Variants in INSYN1 observed in about 807,000 individuals in gnomAD.
INSYN1 encodes the protein UPF0583 protein C15orf59.
In INSYN1, 7 loss-of-function variants were observed where a neutral mutation model predicts 17.1. The observed-to-expected ratio is 0.41, with a 90% CI of 0.23 to 0.77. The LOEUF is 0.77. INSYN1 is among the 30% of genes least tolerant of loss of function. The probability of loss-of-function intolerance (pLI) is 0.32; values close to 1 mark genes in which losing one functional copy is unlikely to be tolerated. For missense variants in INSYN1, 339 were observed against 400.6 expected (o/e 0.85, Z 1.31); for synonymous variants, 174 against 166.3 (o/e 1.05, Z -0.36).
Position 73,751,200 on chromosome 15 carries a change from G to A in INSYN1, c.-70C>T. ...GGCACACACTGCGTCTGCCTCCACG[G>A]AGCCCCCCTCGGCTGGGCAGAGCTC... On this transcript the variant is annotated 5_prime_UTR_variant, in exon 2 of 3. Coordinates refer to ENST00000569673, the MANE Select transcript of INSYN1 (RefSeq NM_001039614.3). 1 of 1,569,118 alleles carries A rather than the reference G, an allele frequency of 6.4e-7. No individual in the cohort carries two copies. Among genetic ancestry groups the A allele is most frequent in the East Asian group, 2.3e-5 (1 of 43,660 alleles).
intron 2 of INSYN1, among the ~76,000 whole-genome samples, chr15:73,742,121 T>C (rs1901707160): frequency 1.3e-5 from 2 of 152,204 alleles, no homozygotes; most frequent in African/African-American, 4.8e-5. Context: ...TAGGAATGAC[T>C]CTGAGAGGCT....
chr15:73,748,681 G>A (rs187223484), intron 2 of INSYN1, among the ~76,000 whole-genome samples: 6 of 152,282 alleles, frequency 3.9e-5, no homozygotes, highest in East Asian at 3.9e-4. Context: ...TCTCCAAACC[G>A]GGGTCTGGCA....
intron 2 of INSYN1, among the ~76,000 whole-genome samples, chr15:73,747,992 G>A (rs1462581102): frequency 6.6e-6 from 1 of 152,202 alleles, no homozygotes; most frequent in African/African-American, 2.4e-5. Flanking sequence ...CAGAGCTATA[G>A]TAGGGGTTTG....
At chr15:73,750,180 G>A (rs1864680834) in intron 2 of INSYN1, among the ~76,000 whole-genome samples, 1 of 152,338 alleles carries the variant, frequency 6.6e-6, no homozygotes, top group Middle Eastern at 3.4e-3. Context: ...GGACTCGAAC[G>A]CAGCACAGGG....
intron 2 of INSYN1, among the ~76,000 whole-genome samples, chr15:73,740,854 C>T (rs1000334936): frequency 3.3e-5 from 5 of 152,182 alleles, no homozygotes; most frequent in African/African-American, 7.2e-5. Context: ...GAGCTTGTTC[C>T]GGCCCTTCCC....
Position 73,739,984 on chromosome 15 carries a change from G to A in INSYN1, c.815C>T (p.Ser272Leu). Residue 272 changes from serine to leucine, a missense_variant, in exon 3 of 3, where the codon TCA (serine) becomes TTA (leucine). Transcript: ENST00000569673. Reference protein sequence around the residue: ...VTRNSSTQTVSDKSTQTVLPY... With the variant: ...VTRNSSTQTVLDKSTQTVLPY... ...CAGAACCGTCTGCGTGCTCTTGTCT[G>A]ACACTGTCTGGGTGCTGCTGTTCCT... 3.1e-6 allele frequency: 5 copies of A among 1,608,992 alleles called. No homozygotes were observed. Among genetic ancestry groups the A allele is most frequent in the Non-Finnish European group, 4.2e-6 (5 of 1,177,962 alleles).
intron 2 of INSYN1, among the ~76,000 whole-genome samples, chr15:73,743,699 G>A (rs1901744724): frequency 6.6e-6 from 1 of 151,190 alleles, no homozygotes; most frequent in African/African-American, 2.4e-5. Context: ...GCGTGGTGGT[G>A]CGTGCATAGA....
intron 2 of INSYN1, among the ~76,000 whole-genome samples, chr15:73,743,537 G>A (rs1303641021): frequency 6.6e-6 from 1 of 152,030 alleles, no homozygotes; most frequent in African/African-American, 2.4e-5. Context: ...TAACAGATAT[G>A]GGCCGGGTGT....
intron 2 of INSYN1, among the ~76,000 whole-genome samples, chr15:73,749,802 G>A (rs568874573): frequency 2.6e-5 from 4 of 152,262 alleles, no homozygotes; most frequent in African/African-American, 7.2e-5. Context: ...TAGGCTCCAC[G>A]AGGCTGACCC....
Position 73,751,094 on chromosome 15 carries a change from T to C in INSYN1, c.37A>G (p.Ser13Gly), listed in dbSNP as rs777036976. 57 of 1,613,870 alleles carry C rather than the reference T, an allele frequency of 3.5e-5. No homozygotes were observed. The highest frequency in any genetic ancestry group is 4.5e-5 in the Non-Finnish European group (53 of 1,180,014). The change falls in exon 2 of 3, where the codon AGT becomes GGT. Residue 13 changes from serine to glycine, a missense_variant. Ser to Gly is a moderately conservative substitution (Grantham distance 56). Coordinates refer to ENST00000569673, the MANE Select transcript of INSYN1 (RefSeq NM_001039614.3). ...TCACCACCACTGCTGGGGTCGTCAC[T>C]GGGCTGCCCGAGGTCCGGGGCGCCC... ...IRGAPDLGQP[S>G]DDPSSGGERE...
chr15:73,748,798 C>T (rs1257588103), intron 2 of INSYN1, among the ~76,000 whole-genome samples: 1 of 152,224 alleles, frequency 6.6e-6, no homozygotes, highest in East Asian at 1.9e-4. Flanking sequence ...CCTTCCTCCA[C>T]ACTCCCCTCT....
intron 2 of INSYN1, 152 bp downstream of exon 2, chr15:73,750,823 G>A (rs772025537): frequency 2.1e-4 from 187 of 873,550 alleles, no homozygotes; most frequent in Non-Finnish European, 3.0e-4. Context: ...GCAGATTTGC[G>A]GAAAGGAGAG....
chr15:73,745,839 A>AC (rs61669847), intron 2 of INSYN1, among the ~76,000 whole-genome samples: 9 of 150,306 alleles, frequency 6.0e-5, no homozygotes, highest in Non-Finnish European at 7.4e-5. Flanking sequence ...ACAAAACAAA[A>AC]AAACTGCTGG....
rs957236378 is a variant in INSYN1 at position 73,752,922 on chromosome 15, G to C, written c.-1380C>G. ...GAGCAGCGCCGGGCGGAGGAGAGGA[G>C]AGGAGGCGAGAAGAGGCGAGGGGAG... On this transcript the variant is annotated 5_prime_UTR_variant, in exon 1 of 3. Transcript: ENST00000569673. This position sits in a 1 kb window ranked among gnomAD's most constrained non-coding sequence, Gnocchi z 5.2. Among the ~76,000 whole-genome samples, 2 of 149,796 alleles carry C rather than the reference G, an allele frequency of 1.3e-5. No individual in the cohort carries two copies. Among genetic ancestry groups the C allele is most frequent in the African/African-American group, 4.9e-5 (2 of 41,014 alleles).
intron 2 of INSYN1, 28 bp downstream of exon 2, chr15:73,750,947 G>C (rs374999652): frequency 5.0e-6 from 8 of 1,613,414 alleles, no homozygotes; most frequent in Non-Finnish European, 4.2e-6. Flanking sequence ...CTTAGGGTCT[G>C]TCTGGTCCCT....
At chr15:73,748,594 A>G (rs1341706686) in intron 2 of INSYN1, among the ~76,000 whole-genome samples, 3 of 152,216 alleles carry the variant, frequency 2.0e-5, no homozygotes, top group Non-Finnish European at 2.9e-5. Context: ...AGCCAGGCAG[A>G]TTCAGCTTTA....
At chr15:73,746,461 GC>G (rs376079692) in intron 2 of INSYN1, among the ~76,000 whole-genome samples, 1 of 152,294 alleles carries the variant, frequency 6.6e-6, no homozygotes, top group East Asian at 1.9e-4. Context: ...TCCTGGCTGG[GC>G]CCCATTTATC....
chr15:73,749,354 A>AT (rs1401036043), intron 2 of INSYN1, among the ~76,000 whole-genome samples: 6 of 152,092 alleles, frequency 3.9e-5, no homozygotes, highest in African/African-American at 1.4e-4. Flanking sequence ...GCTGGTCTGG[A>AT]TTACCTATGA....
intron 2 of INSYN1, among the ~76,000 whole-genome samples, chr15:73,750,478 A>G (rs1203620013): frequency 6.6e-6 from 1 of 152,156 alleles, no homozygotes; most frequent in Admixed American, 6.5e-5. Context: ...AATTTTTCCA[A>G]GATCAAGGGT....
Sources: gnomAD v4.1 joint callset for allele counts (sites outside exome capture counted in the v4.1 genomes callset) on GRCh38, gnomAD v4.1.1 for gene constraint, Gnocchi (gnomAD v3.1) non-coding constraint, MANE v1.5 for transcripts, NCBI Gene and HGNC (gene_info 2026-07-23, HGNC 2026-07-21) for gene names.